NRXN3: variants seen among roughly 807,000 people sequenced by gnomAD.
NRXN3 encodes neurexin 3, also known as neurexin III.
A neutral mutation model predicts 137.6 loss-of-function variants in NRXN3; 32 were observed. The observed-to-expected ratio is 0.23, with a 90% CI of 0.18 to 0.31. The LOEUF (loss-of-function observed/expected upper bound fraction) is 0.31, where lower values mean the gene tolerates loss of function less well. NRXN3 is among the 10% of genes least tolerant of loss of function. The pLI is 1.00. For missense variants in NRXN3, 1,574 were observed against 2,062.5 expected (o/e 0.76, Z 4.59); for synonymous variants, 798 against 784.5 (o/e 1.02, Z -0.29).
intron 10 of NRXN3, among the ~76,000 whole-genome samples, chr14:78,927,586 C>A (rs2099309441): frequency 2.0e-5 from 3 of 152,048 alleles, no homozygotes; most frequent in Admixed American, 2.0e-4. Flanking sequence ...GGCTCTTGAG[C>A]AGAATTTCTG....
chr14:78,486,366 G>A (rs184222059), intron 4 of NRXN3, among the ~76,000 whole-genome samples: 201 of 152,244 alleles, frequency 1.3e-3, no homozygotes, highest in African/African-American at 4.7e-3. Context: ...TGTTCCTTTG[G>A]GAGGTCTGTA....
At chr14:78,203,934 G>A (rs1675946072) in intron 1 of NRXN3, among the ~76,000 whole-genome samples, 1 of 151,574 alleles carries the variant, frequency 6.6e-6, no homozygotes, top group East Asian at 2.0e-4. Context: ...GAAACACACT[G>A]TGTTGTCTGA....
intron 8 of NRXN3, among the ~76,000 whole-genome samples, chr14:78,742,548 A>G (rs1314824695): frequency 6.6e-6 from 1 of 152,218 alleles, no homozygotes; most frequent in African/African-American, 2.4e-5. Flanking sequence ...GAGTGTTTCT[A>G]TTAGCCAAAG....
intron 20 of NRXN3, among the ~76,000 whole-genome samples, chr14:79,808,258 AT>A (rs2099217515): frequency 1.2e-3 from 143 of 119,036 alleles, no homozygotes; most frequent in African/African-American, 6.5e-3. Flanking sequence ...AAAAAAAAAT[AT>A]ATATATATAT....
intron 19 of NRXN3, among the ~76,000 whole-genome samples, chr14:79,751,351 C>T (rs2098996898): frequency 1.3e-5 from 2 of 152,038 alleles, no homozygotes; most frequent in African/African-American, 4.8e-5. Flanking sequence ...TGGGAGTTCA[C>T]TCATGATTTG....
intron 4 of NRXN3, among the ~76,000 whole-genome samples, chr14:78,340,662 G>A (rs2082048793): frequency 6.6e-6 from 1 of 152,108 alleles, no homozygotes; most frequent in African/African-American, 2.4e-5. Context: ...TGGGTTTCCT[G>A]ATAGCATGTT....
chr14:79,656,768 C>T (rs1340468630), intron 16 of NRXN3, among the ~76,000 whole-genome samples: 4 of 152,206 alleles, frequency 2.6e-5, no homozygotes, highest in South Asian at 4.2e-4. Context: ...AGTAAAACAC[C>T]AGGTGAAGCA....
chr14:78,754,925 G>A (rs1271052764), intron 8 of NRXN3, among the ~76,000 whole-genome samples: 1 of 151,680 alleles, frequency 6.6e-6, no homozygotes, highest in Non-Finnish European at 1.5e-5. Context: ...CCCATCAAGA[G>A]GTGGAATATA....
At chr14:79,789,280 G>C (rs2099138259) in intron 19 of NRXN3, among the ~76,000 whole-genome samples, 1 of 152,094 alleles carries the variant, frequency 6.6e-6, no homozygotes, top group African/African-American at 2.4e-5. Flanking sequence ...AGGGAAGTAG[G>C]AATGAAAACT....
intron 3 of NRXN3, among the ~76,000 whole-genome samples, chr14:78,296,608 C>A (rs2076368587): frequency 6.6e-6 from 1 of 152,098 alleles, no homozygotes; most frequent in African/African-American, 2.4e-5. Flanking sequence ...TATCCTGGTC[C>A]TAGAGCAACA....
chr14:78,452,967 C>A (rs575183070), intron 4 of NRXN3, among the ~76,000 whole-genome samples: 1 of 152,142 alleles, frequency 6.6e-6, no homozygotes, highest in Non-Finnish European at 1.5e-5. Context: ...GGATAGAATG[C>A]GAAAGTTACA....
chr14:79,598,549 A>C (rs188598004), intron 16 of NRXN3, among the ~76,000 whole-genome samples: 2 of 152,222 alleles, frequency 1.3e-5, no homozygotes, highest in Non-Finnish European at 2.9e-5. Flanking sequence ...AAAGGATGTC[A>C]AAGGGCCATG....
At chr14:79,245,769 A>G (rs2075073311) in intron 15 of NRXN3, among the ~76,000 whole-genome samples, 1 of 152,114 alleles carries the variant, frequency 6.6e-6, no homozygotes, top group Non-Finnish European at 1.5e-5. Context: ...GTTTATTTCA[A>G]TTTCTTCCTC....
chr14:78,309,671 A>G (rs1471828189), intron 4 of NRXN3, among the ~76,000 whole-genome samples: 1 of 152,164 alleles, frequency 6.6e-6, no homozygotes, highest in East Asian at 1.9e-4. Context: ...GAGAAGGAAA[A>G]TGTACATTTC....
chr14:79,668,288 G>A (rs9323675), intron 17 of NRXN3, among the ~76,000 whole-genome samples: 39,726 of 151,914 alleles, frequency 0.26, 8,926 homozygotes, highest in African/African-American at 0.61. Context: ...ACATTGCTAT[G>A]GTACTTATAA....
intron 6 of NRXN3, among the ~76,000 whole-genome samples, chr14:78,682,683 A>C (rs557083134): frequency 2.0e-5 from 3 of 149,840 alleles, no homozygotes; most frequent in Non-Finnish European, 4.4e-5. Flanking sequence ...CAGATACTAC[A>C]CTGTCATTGT....
At chr14:78,643,389 T>C (rs954336182) in intron 4 of NRXN3, among the ~76,000 whole-genome samples, 2 of 152,194 alleles carry the variant, frequency 1.3e-5, no homozygotes, top group African/African-American at 4.8e-5. Context: ...TTTCTTTTAG[T>C]AATGAGGTGC....
At chr14:78,532,787 T>C (rs1236110311) in intron 4 of NRXN3, among the ~76,000 whole-genome samples, 1 of 152,076 alleles carries the variant, frequency 6.6e-6, no homozygotes, top group Non-Finnish European at 1.5e-5. Context: ...ACACAACTCA[T>C]TGAAATCTGA....
chr14:78,590,433 A>C (rs2097106381), intron 4 of NRXN3, among the ~76,000 whole-genome samples: 1 of 152,226 alleles, frequency 6.6e-6, no homozygotes, highest in South Asian at 2.1e-4. Flanking sequence ...ATACTTTCAA[A>C]AAGCATCTTG....
Sources: allele counts gnomAD v4.1 joint callset (sites outside exome capture counted in the v4.1 genomes callset), GRCh38; gene constraint gnomAD v4.1.1; transcripts MANE v1.5; gene names NCBI Gene and HGNC (gene_info 2026-07-23, HGNC 2026-07-21).